Variants in MAGI2 observed in about 807,000 individuals in gnomAD.
The protein encoded by MAGI2 is membrane associated guanylate kinase, WW and PDZ domain containing 2.
MAGI2 carries 35 observed loss-of-function variants against 133.3 expected under a neutral mutation model. That is an observed-to-expected ratio of 0.26 (90% CI 0.20 to 0.35). MAGI2 has a LOEUF of 0.35. MAGI2 is among the 10% of genes least tolerant of loss of function. MAGI2 has a pLI of 1.00. For missense variants in MAGI2, 1,636 were observed against 1,863.4 expected, an observed-to-expected ratio of 0.88 and a Z score of 2.25; for synonymous variants, 729 against 710.6, an observed-to-expected ratio of 1.03 and a Z score of -0.41.
Position 78,019,368 on chromosome 7 carries a change from A to G in MAGI2, c.4315T>C (p.Ser1439Pro), listed in dbSNP as rs1808055815. Reference sequence around the variant, plus strand: ...TTGAGGACGCTGGGCAGCTTGTCAGAACCCGGCACCTTCCAGGGCCCCGGC... The same window carrying G: ...TTGAGGACGCTGGGCAGCTTGTCAGGACCCGGCACCTTCCAGGGCCCCGGC... ...VAPGPWKVPGSDKLPSVLKPG... is the reference protein window; with the variant it reads ...VAPGPWKVPGPDKLPSVLKPG... The change falls in exon 22 of 22, where the codon TCT (serine) becomes CCT (proline). Residue 1439 changes from serine to proline, a missense_variant. This residue lies in a region of MAGI2 where 354 missense variants were observed against 298.7 expected (regional missense o/e 1.19). Transcript: ENST00000354212. 4 of 1,450,698 alleles carry G rather than the reference A, an allele frequency of 2.8e-6. No individual in the cohort carries two copies. Among genetic ancestry groups the G allele is most frequent in the Non-Finnish European group, 3.6e-6 (4 of 1,107,906 alleles). The allele number at this position is 1,450,698 out of a possible 1,614,324, so 89.9% of individuals were successfully genotyped here. A position where few individuals can be genotyped will look rare whatever the true frequency, so the allele number is the denominator to read the frequency against.
At chr7:78,462,763 G>C (rs1303043269) in intron 6 of MAGI2, among the ~76,000 whole-genome samples, 1 of 152,198 alleles carries the variant, frequency 6.6e-6, no homozygotes, top group African/African-American at 2.4e-5. Flanking sequence ...TTGTAATGCT[G>C]CTGTGTGAAG....
At chr7:78,747,360 G>A (rs1231300191) in intron 2 of MAGI2, among the ~76,000 whole-genome samples, 1 of 151,992 alleles carries the variant, frequency 6.6e-6, no homozygotes, top group Non-Finnish European at 1.5e-5. Context: ...TATAAGAAAT[G>A]CATTATTTGA....
intron 2 of MAGI2, among the ~76,000 whole-genome samples, chr7:78,684,972 C>G (rs1474955819): frequency 6.6e-6 from 1 of 152,180 alleles, no homozygotes. Flanking sequence ...GGTACCAATA[C>G]AGCCATAATT....
At chr7:79,350,100 T>C (rs2129108521) in intron 1 of MAGI2, among the ~76,000 whole-genome samples, 1 of 152,252 alleles carries the variant, frequency 6.6e-6, no homozygotes, top group African/African-American at 2.4e-5. Context: ...ATTTTTAGGA[T>C]TCACATTCCT....
At chr7:79,194,418 C>G (rs570057684) in intron 1 of MAGI2, among the ~76,000 whole-genome samples, 1 of 151,980 alleles carries the variant, frequency 6.6e-6, no homozygotes, top group South Asian at 2.1e-4. Flanking sequence ...AATGTAACAA[C>G]TGTTTTAGAA....
chr7:78,065,431 G>A lies in MAGI2; in HGVS notation c.3706+13516C>T, dbSNP rs1813715209. On this transcript the variant is annotated intron_variant, in intron 21 of 21. Coordinates refer to ENST00000354212, the MANE Select transcript of MAGI2 (RefSeq NM_012301.4). Reference sequence around the variant, plus strand: ...CAAATCTTATCCTTATCACTTATAAGGTCTGAGCTATACATATATTCCAGA... The same window carrying A: ...CAAATCTTATCCTTATCACTTATAAAGTCTGAGCTATACATATATTCCAGA... The A allele has an allele frequency of 5.6e-6, 3 of 534,866 alleles. No homozygotes were observed. In the South Asian group the frequency reaches 8.8e-5, roughly 16 times the overall value. 33.1% of individuals were successfully genotyped at this position (534,866 alleles called of 1,614,324 possible).
Position 78,500,028 on chromosome 7 carries a change from T to A in MAGI2, c.965+1549A>T, listed in dbSNP as rs559421156. Among the ~76,000 whole-genome samples, 7 of 152,352 alleles carry A rather than the reference T, an allele frequency of 4.6e-5. No individual in the cohort carries two copies. In the South Asian group the frequency reaches 1.5e-3, roughly 32 times the overall value. ...AGCAATAAGAAATAATGTAAGAGAT[T>A]CTTATTCCTTTTAAAATTAGAACAT... On this transcript the variant is annotated intron_variant, in intron 5 of 21. Transcript: ENST00000354212.
intron 9 of MAGI2, among the ~76,000 whole-genome samples, chr7:78,288,969 C>T (rs933563380): frequency 5.3e-5 from 8 of 152,138 alleles, no homozygotes; most frequent in African/African-American, 1.9e-4. Context: ...CATCAAAGAC[C>T]AAAGGTAGAT....
intron 3 of MAGI2, among the ~76,000 whole-genome samples, chr7:78,523,462 G>C (rs1584491446): frequency 6.6e-6 from 1 of 151,834 alleles, no homozygotes; most frequent in Non-Finnish European, 1.5e-5. Context: ...CTGGGCAACA[G>C]AGCAAGACTC....
chr7:78,713,431 A>C (rs1819398337), intron 2 of MAGI2, among the ~76,000 whole-genome samples: 1 of 152,172 alleles, frequency 6.6e-6, no homozygotes, highest in Non-Finnish European at 1.5e-5. Flanking sequence ...GTAAGATGGC[A>C]CTTTGACTAA....
chr7:79,193,752 G>A (rs1259105342), intron 1 of MAGI2, among the ~76,000 whole-genome samples: 2 of 151,608 alleles, frequency 1.3e-5, no homozygotes, highest in Admixed American at 1.3e-4. Context: ...TTGTACAAGG[G>A]CCCTACATTT....
intron 1 of MAGI2, among the ~76,000 whole-genome samples, chr7:79,061,889 C>T (rs1813780229): frequency 6.6e-6 from 1 of 152,088 alleles, no homozygotes; most frequent in South Asian, 2.1e-4. Context: ...CCACCTTATA[C>T]ATGTGGAGTT....
At chr7:78,323,563 A>G (rs1788230220) in intron 9 of MAGI2, among the ~76,000 whole-genome samples, 1 of 152,176 alleles carries the variant, frequency 6.6e-6, no homozygotes, top group African/African-American at 2.4e-5. Context: ...ATCCTGCTTC[A>G]TTGCCTTGGA....
chr7:78,231,399 T>C (rs1270056632), intron 10 of MAGI2, among the ~76,000 whole-genome samples: 2 of 152,264 alleles, frequency 1.3e-5, no homozygotes, highest in Admixed American at 1.3e-4. Context: ...TTTGCATTCC[T>C]GGCCCCTGCG....
At chr7:78,501,432 C>A (rs918855861) in intron 5 of MAGI2, 145 bp downstream of exon 5, 25 of 675,004 alleles carry the variant, frequency 3.7e-5, no homozygotes, top group Non-Finnish European at 5.2e-5. Context: ...AGGCACTATC[C>A]CACTATTCTC....
intron 1 of MAGI2, among the ~76,000 whole-genome samples, chr7:79,336,319 ACTT>A (rs1840436581): frequency 2.0e-5 from 3 of 152,096 alleles, no homozygotes; most frequent in African/African-American, 7.2e-5. Context: ...ATTCTGCCCA[ACTT>A]CAAAGCCCAA....
At chr7:78,852,038 G>C (rs191004138) in intron 2 of MAGI2, among the ~76,000 whole-genome samples, 1 of 152,044 alleles carries the variant, frequency 6.6e-6, no homozygotes, top group Non-Finnish European at 1.5e-5. Context: ...TCCACATCTT[G>C]ACAGATATTA....
At chr7:78,450,118 A>G (rs993317179) in intron 6 of MAGI2, among the ~76,000 whole-genome samples, 12 of 151,952 alleles carry the variant, frequency 7.9e-5, no homozygotes, top group African/African-American at 2.4e-4. Context: ...GACTTTCTTC[A>G]TAATTACTTC....
chr7:79,271,865 C>G (rs1230642600), intron 1 of MAGI2, among the ~76,000 whole-genome samples: 1 of 151,926 alleles, frequency 6.6e-6, no homozygotes, highest in East Asian at 1.9e-4. Flanking sequence ...GATGGCTGCC[C>G]CCTCACAAAC....
Sources: allele counts gnomAD v4.1 joint callset (sites outside exome capture counted in the v4.1 genomes callset), GRCh38; gene constraint gnomAD v4.1.1; regional missense constraint gnomAD v4.1.1; transcripts MANE v1.5; gene names NCBI Gene and HGNC (gene_info 2026-07-23, HGNC 2026-07-21).